The following SPTLC1 variants were observed in gnomAD, a reference collection of about 807,000 sequenced individuals.
SPTLC1 encodes serine palmitoyltransferase 1.
In SPTLC1, 55 loss-of-function variants were observed where a neutral mutation model predicts 68.9. That is an observed-to-expected ratio of 0.80 (90% CI 0.64 to 1.00). The LOEUF (loss-of-function observed/expected upper bound fraction) is 1.00, where lower values mean the gene tolerates loss of function less well. Among genes scored for constraint, SPTLC1 ranks in the 50% least tolerant of loss-of-function variants. The probability of loss-of-function intolerance (pLI) is 0.00; values close to 1 mark genes in which losing one functional copy is unlikely to be tolerated. For missense variants in SPTLC1, 449 were observed against 573.1 expected (o/e 0.78, Z 2.21); for synonymous variants, 197 against 201.6 (o/e 0.98, Z 0.19).
intron 6 of SPTLC1, among the ~76,000 whole-genome samples, chr9:92,064,946 G>A (rs1366113140): frequency 2.0e-5 from 3 of 152,216 alleles, no homozygotes; most frequent in Non-Finnish European, 2.9e-5. Flanking sequence ...AGGAGTTAAG[G>A]AGTGGGCAGA....
chr9:92,072,171 G>C (rs1283451826), intron 5 of SPTLC1, among the ~76,000 whole-genome samples: 1 of 151,928 alleles, frequency 6.6e-6, no homozygotes, highest in African/African-American at 2.4e-5. Flanking sequence ...CTCTCTCTGG[G>C]AGACCTCTCC....
intron 3 of SPTLC1, among the ~76,000 whole-genome samples, chr9:92,090,406 C>A (rs555743607): frequency 6.6e-6 from 1 of 152,036 alleles, no homozygotes; most frequent in African/African-American, 2.4e-5. Flanking sequence ...GTCAGGAGTC[C>A]GAGACCAGCC....
chr9:92,100,162 C>G (rs1447619237), intron 3 of SPTLC1, among the ~76,000 whole-genome samples: 2 of 151,838 alleles, frequency 1.3e-5, no homozygotes, highest in African/African-American at 4.8e-5. Context: ...CGCCTGTGAT[C>G]CCAGCACTTT....
At chr9:92,086,876 G>A (rs1170948042) in intron 3 of SPTLC1, among the ~76,000 whole-genome samples, 12 of 151,030 alleles carry the variant, frequency 7.9e-5, no homozygotes, top group East Asian at 4.0e-4. Flanking sequence ...ACTTTCAGGT[G>A]CACCAATCAG....
chr9:92,039,904 T>C lies in SPTLC1; in HGVS notation c.1137-1539A>G, dbSNP rs562059400. On this transcript the variant is annotated intron_variant, in intron 12 of 14. Coordinates refer to ENST00000262554, the MANE Select transcript of SPTLC1 (RefSeq NM_006415.4). ...TAAAGCAGGCTACAGGTCTGAATCA[T>C]GGAATCTTGAGCATGTGGAATGTGG... Among the ~76,000 whole-genome samples the C allele has an allele frequency of 9.2e-5, 14 of 152,350 alleles. No homozygotes were observed. In the South Asian group the frequency reaches 2.9e-3, roughly 32 times the overall value.
chr9:92,045,618 A>C (rs1371870583), intron 12 of SPTLC1, among the ~76,000 whole-genome samples: 1 of 151,848 alleles, frequency 6.6e-6, no homozygotes, highest in Non-Finnish European at 1.5e-5. Context: ...AAAAAGTAAC[A>C]CAGATGGTAT....
chr9:92,092,573 T>A (rs1418080393), intron 3 of SPTLC1, among the ~76,000 whole-genome samples: 2 of 151,758 alleles, frequency 1.3e-5, no homozygotes, highest in Admixed American at 6.6e-5. Context: ...TATTAAAAAA[T>A]AATAATAATA....
chr9:92,083,727 C>G (rs574009093), intron 3 of SPTLC1, among the ~76,000 whole-genome samples: 8 of 151,896 alleles, frequency 5.3e-5, no homozygotes, highest in African/African-American at 1.7e-4. Context: ...GATGTGGGCT[C>G]TTTTTTGGTT....
At chr9:92,038,527 C>G in intron 12 of SPTLC1, 162 bp from the exon 13 acceptor site, 2 of 696,342 alleles carry the variant, frequency 2.9e-6, no homozygotes, top group South Asian at 3.0e-5. Flanking sequence ...GAAAGGGAAA[C>G]GAGGCACTCT....
In SPTLC1 at chr9:92,038,321, A is replaced by G; in HGVS notation, c.1181T>C (p.Phe394Ser). ...KVVGESLSPA[F>S]HLQLEESTGS... ...AGTGCTCTCTTCCAGTTGTAGGTGA[A>G]AGGCTGGAGAAAGGGACTCCCCCAC... Residue 394 changes from phenylalanine (F) to serine (S), a missense_variant, in exon 13 of 15, where the codon TTT becomes TCT. Coordinates refer to ENST00000262554, the MANE Select transcript of SPTLC1 (RefSeq NM_006415.4). 10 of 1,614,166 alleles carry G rather than the reference A, an allele frequency of 6.2e-6. No homozygotes were observed. Among genetic ancestry groups the G allele is most frequent in the Non-Finnish European group, 8.5e-6 (10 of 1,180,010 alleles).
At chr9:92,092,655 A>C (rs577749559) in intron 3 of SPTLC1, among the ~76,000 whole-genome samples, 1 of 152,260 alleles carries the variant, frequency 6.6e-6, no homozygotes, top group Non-Finnish European at 1.5e-5. Context: ...GAATGGCTTG[A>C]ACCTGGGAGG....
At chr9:92,065,163 A>C (rs1187843486) in intron 6 of SPTLC1, among the ~76,000 whole-genome samples, 1 of 152,212 alleles carries the variant, frequency 6.6e-6, no homozygotes, top group East Asian at 1.9e-4. Context: ...TGAATGTAAA[A>C]AGTTTAATTT....
chr9:92,113,017 G>C (rs542402723), intron 1 of SPTLC1, among the ~76,000 whole-genome samples: 1 of 152,214 alleles, frequency 6.6e-6, no homozygotes, highest in Non-Finnish European at 1.5e-5. Flanking sequence ...TGAGGCAGGA[G>C]AATCGCTTGA....
chr9:92,032,644 A>C, intron 14 of SPTLC1, 86 bp from the exon 15 acceptor site: 1 of 1,547,984 alleles, frequency 6.5e-7, no homozygotes, highest in African/African-American at 1.4e-5. Context: ...TTGGAGGCCA[A>C]GGCAGGTGGA....
At chr9:92,099,615 G>A (rs1443254365) in intron 3 of SPTLC1, among the ~76,000 whole-genome samples, 1 of 151,750 alleles carries the variant, frequency 6.6e-6, no homozygotes, top group Non-Finnish European at 1.5e-5. Flanking sequence ...AAGTAGCTGG[G>A]ACTATAGGCC....
At chr9:92,102,295 G>A (rs189670168) in intron 3 of SPTLC1, among the ~76,000 whole-genome samples, 3 of 152,272 alleles carry the variant, frequency 2.0e-5, no homozygotes, top group East Asian at 1.9e-4. Context: ...TGCTTCAATC[G>A]CAAGTGAAAG....
chr9:92,080,834 T>C (rs1444139026), intron 4 of SPTLC1, 36 bp downstream of exon 4: 2 of 1,494,678 alleles, frequency 1.3e-6, no homozygotes. Flanking sequence ...AAATCAGTAA[T>C]GTTATCTGTC....
At chr9:92,081,978 T>TA (rs762774002) in intron 3 of SPTLC1, among the ~76,000 whole-genome samples, 5 of 152,118 alleles carry the variant, frequency 3.3e-5, no homozygotes, top group Non-Finnish European at 7.4e-5. Context: ...AACTAACTTA[T>TA]AAAAAAGGCA....
chr9:92,055,557 T>C, intron 7 of SPTLC1, 63 bp from the exon 8 acceptor site: 1 of 1,482,856 alleles, frequency 6.7e-7, no homozygotes, highest in South Asian at 1.1e-5. Context: ...ATCTGTTACA[T>C]ATTCCCCAGC....
Sources: gnomAD v4.1 joint callset for allele counts (sites outside exome capture counted in the v4.1 genomes callset) on GRCh38, gnomAD v4.1.1 for gene constraint, MANE v1.5 for transcripts, NCBI Gene and HGNC (gene_info 2026-07-23, HGNC 2026-07-21) for gene names.